TDRD5: variants seen among roughly 807,000 people sequenced by gnomAD.
TDRD5 encodes tudor domain-containing protein 5.
A neutral mutation model predicts 120.6 loss-of-function variants in TDRD5; 41 were observed. The observed-to-expected ratio is 0.34, with a 90% CI of 0.26 to 0.44. The LOEUF (loss-of-function observed/expected upper bound fraction) is 0.44, where lower values mean the gene tolerates loss of function less well. Among genes scored for constraint, TDRD5 ranks in the 20% least tolerant of loss-of-function variants. The pLI is 1.00. For missense variants in TDRD5, 1,006 were observed against 1,221.2 expected (o/e 0.82, Z 2.63); for synonymous variants, 430 against 433.7 (o/e 0.99, Z 0.11).
chr1:179,658,797 A>T, intron 14 of TDRD5, among the ~76,000 whole-genome samples: 1 of 150,848 alleles, frequency 6.6e-6, no homozygotes. Context: ...TCTTTCTTTT[A>T]TTTTCTTTGG....
intron 4 of TDRD5, among the ~76,000 whole-genome samples, chr1:179,616,975 G>A (rs527279347): frequency 6.6e-6 from 1 of 152,098 alleles, no homozygotes; most frequent in East Asian, 1.9e-4. Flanking sequence ...AGGAACCTTC[G>A]GATGGAAAGA....
intron 14 of TDRD5, among the ~76,000 whole-genome samples, chr1:179,659,951 C>T (rs1679211599): frequency 6.6e-6 from 1 of 151,966 alleles, no homozygotes; most frequent in South Asian, 2.1e-4. Context: ...CCACCTTGGC[C>T]TCCCAAAGTG....
intron 11 of TDRD5, among the ~76,000 whole-genome samples, chr1:179,644,839 TTC>T (rs1678253206): frequency 6.6e-6 from 1 of 151,932 alleles, no homozygotes. Flanking sequence ...TTTTGTTTAT[TTC>T]TGTCTTATTT....
chr1:179,685,989 C>G (rs1167007327), intron 17 of TDRD5, among the ~76,000 whole-genome samples: 5 of 152,156 alleles, frequency 3.3e-5, no homozygotes, highest in Admixed American at 6.5e-5. Flanking sequence ...CATCTGCAAA[C>G]AGGGACAATT....
chr1:179,602,982 C>G (rs929678913), intron 4 of TDRD5, among the ~76,000 whole-genome samples: 1 of 152,126 alleles, frequency 6.6e-6, no homozygotes, highest in Non-Finnish European at 1.5e-5. Flanking sequence ...TGGTCATTTT[C>G]ACAATATTGA....
At chr1:179,653,600 A>G (rs1678834514) in intron 13 of TDRD5, among the ~76,000 whole-genome samples, 3 of 152,152 alleles carry the variant, frequency 2.0e-5, no homozygotes, top group South Asian at 4.1e-4. Flanking sequence ...AACCTTTAAT[A>G]TTTTTAGAAT....
intron 7 of TDRD5, 86 bp from the exon 8 acceptor site, chr1:179,634,371 G>A: frequency 7.2e-7 from 1 of 1,391,244 alleles, no homozygotes; most frequent in Non-Finnish European, 9.8e-7. Flanking sequence ...AGTAATGGTT[G>A]TATAGCTATT....
intron 8 of TDRD5, 115 bp downstream of exon 8, chr1:179,634,744 T>C: frequency 4.1e-6 from 5 of 1,219,168 alleles, no homozygotes; most frequent in Non-Finnish European, 4.5e-6. Context: ...GGATATATCA[T>C]TTATTAGAAG....
In TDRD5 at chr1:179,614,510, GC is replaced by G. The variant is rs1042451012; in HGVS notation, c.832-4087del. ...CTCCACAGGATAAATTTCTAGAAGA[GC>G]CATCATTGATTGAAAGGAATGTTTA... On this transcript the variant is annotated intron_variant, in intron 4 of 17. Coordinates refer to ENST00000444136, the MANE Select transcript of TDRD5 (RefSeq NM_001199085.3). 8.5e-5 allele frequency among the ~76,000 whole-genome samples: 13 copies of G among 152,092 alleles called. 1 individual carries two copies. The highest frequency in any genetic ancestry group is 7.9e-4 in the Admixed American group (12 of 15,260).
intron 4 of TDRD5, among the ~76,000 whole-genome samples, chr1:179,597,547 G>A (rs988218614): frequency 6.6e-6 from 1 of 151,850 alleles, no homozygotes; most frequent in Non-Finnish European, 1.5e-5. Context: ...GGTCAGGCCG[G>A]TCTTGAACTC....
intron 4 of TDRD5, among the ~76,000 whole-genome samples, chr1:179,611,533 T>A (rs1462574504): frequency 6.6e-6 from 1 of 152,192 alleles, no homozygotes; most frequent in African/African-American, 2.4e-5. Flanking sequence ...CTGTGCCCTT[T>A]TCAGTATTTA....
At position 179,606,680 on chromosome 1, in the gene TDRD5, A is replaced by G. The variant is rs1056424884; in HGVS notation, c.831+10862A>G. 5.4e-4 allele frequency among the ~76,000 whole-genome samples: 82 copies of G among 152,078 alleles called. 1 individual carries two copies. Among genetic ancestry groups the G allele is most frequent in the Admixed American group, 5.4e-3 (82 of 15,258 alleles). On this transcript the variant is annotated intron_variant, in intron 4 of 17. Transcript: ENST00000444136. ...GGGTTTTTTTGCAAGTGGATGTTCA[A>G]TTCTAGTACCATTTGTGAAAAGACT...
Position 179,639,917 on chromosome 1 carries a change from T to C in TDRD5, c.1599T>C (p.Cys533=). ...ECFIQPGHLC[C]VRISEDKWWY... ...TTATTCAGCCGGGACATCTCTGTTG[T>C]GTAAGGATTTCTGAGGATAAGTGGT... The change falls in exon 10 of 18, where the codon TGT becomes TGC. Residue 533 remains cysteine (C), a synonymous_variant. Transcript: ENST00000444136. The C allele has an allele frequency of 6.8e-6, 11 of 1,614,166 alleles. No individual in the cohort carries two copies. Among genetic ancestry groups the C allele is most frequent in the South Asian group, 2.2e-5 (2 of 91,080 alleles).
chr1:179,662,048 G>A, intron 14 of TDRD5, 56 bp from the exon 15 acceptor site: 11 of 1,403,488 alleles, frequency 7.8e-6, no homozygotes, highest in Non-Finnish European at 1.0e-5. Context: ...TAAATTTTAT[G>A]TGCTCATATA....
chr1:179,674,498 T>C (rs1017228432), intron 17 of TDRD5, among the ~76,000 whole-genome samples: 2 of 150,938 alleles, frequency 1.3e-5, no homozygotes, highest in African/African-American at 2.4e-5. Context: ...TGGTCTGTAG[T>C]TTTTTTTTGT....
chr1:179,688,732 C>T (rs1469181838), intron 17 of TDRD5, among the ~76,000 whole-genome samples: 3 of 152,164 alleles, frequency 2.0e-5, no homozygotes, highest in Admixed American at 1.3e-4. Context: ...TTCTTGGAGG[C>T]TTTGTTCATT....
At chr1:179,668,902 C>T (rs760759999) in intron 16 of TDRD5, among the ~76,000 whole-genome samples, 34 of 151,950 alleles carry the variant, frequency 2.2e-4, no homozygotes, top group Admixed American at 4.6e-4. Flanking sequence ...GCCACCACGC[C>T]CAGCTAATTT....
intron 14 of TDRD5, among the ~76,000 whole-genome samples, chr1:179,655,552 A>G (rs1028605106): frequency 1.6e-4 from 24 of 152,216 alleles, no homozygotes; most frequent in African/African-American, 5.5e-4. Context: ...ATTGGGATGC[A>G]GAACAGCTCC....
At chr1:179,645,842 T>C (rs1382376856) in intron 11 of TDRD5, among the ~76,000 whole-genome samples, 1 of 151,800 alleles carries the variant, frequency 6.6e-6, no homozygotes, top group African/African-American at 2.4e-5. Context: ...CCTCTTTATT[T>C]CTACTAATGC....
Sources: allele counts gnomAD v4.1 joint callset (sites outside exome capture counted in the v4.1 genomes callset), GRCh38; gene constraint gnomAD v4.1.1; transcripts MANE v1.5; gene names NCBI Gene and HGNC (gene_info 2026-07-23, HGNC 2026-07-21).